DLGAP2: variants seen among roughly 807,000 people sequenced by gnomAD.
The protein encoded by DLGAP2 is DLG associated protein 2, also known as disks large-associated protein 2.
DLGAP2 carries 26 observed loss-of-function variants against 100.3 expected under a neutral mutation model. The ratio of observed to expected loss-of-function variants is 0.26; its 90% CI spans 0.19 to 0.36. The LOEUF (loss-of-function observed/expected upper bound fraction) is 0.36. DLGAP2 is among the 10% of genes least tolerant of loss of function. DLGAP2 has a pLI of 1.00. For missense variants in DLGAP2, 1,858 were observed against 1,453.2 expected, an observed-to-expected ratio of 1.28 and a Z score of -4.53; for synonymous variants, 886 against 630.1, an observed-to-expected ratio of 1.41 and a Z score of -6.08.
At chr8:1,382,141 C>G (rs541192305) in intron 3 of DLGAP2, among the ~76,000 whole-genome samples, 1 of 152,214 alleles carries the variant, frequency 6.6e-6, no homozygotes, top group Non-Finnish European at 1.5e-5. Context: ...AGCAATAATA[C>G]AGTCACTGAC....
rs181048108 is a variant in DLGAP2, at chr8:1,232,167, A to T, written c.74-26684A>T. ...TCCCCTTCACGACTGGGTGGTGCTG[A>T]GCCTTTGGGGCAGCTGGAGAACAAA... On this transcript the variant is annotated intron_variant, in intron 2 of 14. Coordinates refer to ENST00000637795, the MANE Select transcript of DLGAP2 (RefSeq NM_001346810.2). Among the ~76,000 whole-genome samples the T allele has an allele frequency of 6.6e-4, 100 of 152,294 alleles. No individual in the cohort carries two copies. The East Asian group carries it at 0.014, about 21-fold the overall frequency.
At chr8:882,896 T>C (rs1262104134) in intron 1 of DLGAP2, among the ~76,000 whole-genome samples, 5 of 152,370 alleles carry the variant, frequency 3.3e-5, no homozygotes, top group Non-Finnish European at 5.9e-5. Context: ...GACGTTGTTT[T>C]GTTGGGTCGG....
chr8:757,763 G>T (rs1299373957), intron 1 of DLGAP2, among the ~76,000 whole-genome samples: 1 of 152,198 alleles, frequency 6.6e-6, no homozygotes, highest in Non-Finnish European at 1.5e-5. Context: ...GGGTGTTGAA[G>T]TTGTTCTGAA....
intron 2 of DLGAP2, among the ~76,000 whole-genome samples, chr8:1,118,368 G>A (rs1251468065): frequency 6.6e-6 from 1 of 152,174 alleles, no homozygotes; most frequent in African/African-American, 2.4e-5. Flanking sequence ...TCTTTGTTCA[G>A]TTCCTTACGT....
At chr8:1,195,902 A>C (rs140245471) in intron 2 of DLGAP2, among the ~76,000 whole-genome samples, 2 of 152,174 alleles carry the variant, frequency 1.3e-5, no homozygotes, top group Non-Finnish European at 2.9e-5. Context: ...TAGCATTTCT[A>C]ATTCTCCCAC....
intron 8 of DLGAP2, among the ~76,000 whole-genome samples, chr8:1,657,421 T>C (rs369561490): frequency 2.6e-5 from 4 of 152,378 alleles, no homozygotes; most frequent in Admixed American, 1.3e-4. Context: ...ATGAAGACGA[T>C]TATTATCACC....
At chr8:908,562 C>T (rs1026737220) in intron 2 of DLGAP2, among the ~76,000 whole-genome samples, 12 of 151,802 alleles carry the variant, frequency 7.9e-5, no homozygotes, top group East Asian at 1.9e-4. Context: ...GGAAACATGA[C>T]GGAGAAAAAG....
At chr8:1,561,598 G>C (rs1330081839) in intron 5 of DLGAP2, among the ~76,000 whole-genome samples, 3 of 152,202 alleles carry the variant, frequency 2.0e-5, no homozygotes, top group African/African-American at 7.2e-5. Context: ...GAGCTGCCGT[G>C]TGCCTGGGCC....
At chr8:1,429,084 GAC>G (rs1797329690) in intron 3 of DLGAP2, among the ~76,000 whole-genome samples, 1 of 152,196 alleles carries the variant, frequency 6.6e-6, no homozygotes. Context: ...TCAGAGGTGA[GAC>G]AGAAAATTTC....
intron 3 of DLGAP2, chr8:1,380,172 G>T (rs1389342343): frequency 6.6e-6 from 1 of 152,106 alleles, no homozygotes; most frequent in South Asian, 2.1e-4. Flanking sequence ...AACATACATA[G>T]GAATCCTGAA....
At chr8:948,969 C>T (rs1447652411) in intron 2 of DLGAP2, among the ~76,000 whole-genome samples, 1 of 145,168 alleles carries the variant, frequency 6.9e-6, no homozygotes, top group Non-Finnish European at 1.5e-5. Context: ...GGCGTGACTG[C>T]CGCCATCTTG....
At chr8:965,169 C>G (rs1799821356) in intron 2 of DLGAP2, among the ~76,000 whole-genome samples, 2 of 148,538 alleles carry the variant, frequency 1.3e-5, no homozygotes, top group East Asian at 2.0e-4. Flanking sequence ...GAGTCTGACC[C>G]CTGCGCTGCA....
At chr8:980,120 G>C (rs934317613) in intron 2 of DLGAP2, among the ~76,000 whole-genome samples, 1 of 152,222 alleles carries the variant, frequency 6.6e-6, no homozygotes, top group South Asian at 2.1e-4. Flanking sequence ...CTGGGATTCC[G>C]GGAGTCAGGA....
chr8:1,627,700 C>A (rs556449044), intron 7 of DLGAP2, among the ~76,000 whole-genome samples: 3 of 152,270 alleles, frequency 2.0e-5, no homozygotes, highest in African/African-American at 7.2e-5. Flanking sequence ...GAGCCGACCT[C>A]ACATTCTCTC....
intron 3 of DLGAP2, among the ~76,000 whole-genome samples, chr8:1,422,254 A>G (rs563942749): frequency 2.2e-4 from 33 of 152,190 alleles, no homozygotes; most frequent in Non-Finnish European, 4.1e-4. Context: ...GAATATGGAA[A>G]AGATACCAGA....
chr8:809,871 G>A (rs1796339710), intron 1 of DLGAP2, among the ~76,000 whole-genome samples: 1 of 152,220 alleles, frequency 6.6e-6, no homozygotes, highest in African/African-American at 2.4e-5. Flanking sequence ...GGAAGTACCA[G>A]TCTGTCGTCC....
rs536107546 is a variant in DLGAP2, at chr8:1,613,906, C to T, written c.1443-12834C>T. 2.6e-4 allele frequency among the ~76,000 whole-genome samples: 39 copies of T among 152,282 alleles called. 1 individual carries two copies. In the South Asian group the frequency reaches 7.7e-3, roughly 30 times the overall value. The stretch of plus-strand genomic sequence containing the variant: ...AAATAAGCCTCAAAAATGTTGAATG[C>T]CAAAGGACTAAATTGCTACCTTCCA... On this transcript the variant is annotated intron_variant, in intron 6 of 14. Coordinates refer to ENST00000637795, the MANE Select transcript of DLGAP2 (RefSeq NM_001346810.2).
intron 1 of DLGAP2, among the ~76,000 whole-genome samples, chr8:877,068 G>A (rs1797699445): frequency 6.7e-6 from 1 of 149,690 alleles, no homozygotes; most frequent in Non-Finnish European, 1.5e-5. Context: ...GTCTCCTTTG[G>A]TTCTGGGAAC....
intron 1 of DLGAP2, among the ~76,000 whole-genome samples, chr8:791,437 G>C (rs1239497578): frequency 6.6e-6 from 1 of 152,192 alleles, no homozygotes; most frequent in Non-Finnish European, 1.5e-5. Context: ...TAGATATTCA[G>C]AGTTGAATAC....
Sources: gnomAD v4.1 joint callset for allele counts (sites outside exome capture counted in the v4.1 genomes callset) on GRCh38, gnomAD v4.1.1 for gene constraint, MANE v1.5 for transcripts, NCBI Gene and HGNC (gene_info 2026-07-23, HGNC 2026-07-21) for gene names.